LRP2BP: variants seen among roughly 807,000 people sequenced by gnomAD.
LRP2BP encodes LRP2-binding protein.
In LRP2BP, 38 loss-of-function variants were observed where a neutral mutation model predicts 45.2. The observed-to-expected ratio is 0.84, with a 90% confidence interval of 0.65 to 1.10. The LOEUF (loss-of-function observed/expected upper bound fraction) is 1.10. LRP2BP is among the 50% of genes least tolerant of loss of function. The probability of loss-of-function intolerance (pLI) is 0.00; values close to 1 mark genes in which losing one functional copy is unlikely to be tolerated. For synonymous variants in LRP2BP, 153 were observed against 153.9 expected (o/e 0.99, Z 0.04); for missense variants, 385 against 418.9 (o/e 0.92, Z 0.71).
In LRP2BP at chr4:185,374,384, A is replaced by G. The variant is rs1201799216; in HGVS notation, c.408T>C (p.Ala136=). 1 of 1,614,120 alleles carries G rather than the reference A, an allele frequency of 6.2e-7. No homozygotes were observed. The highest frequency in any genetic ancestry group is 8.5e-7 in the Non-Finnish European group (1 of 1,180,014). ...CATAATAAGCTCTTCCGAGGTTGTA[A>G]GCAGCTGCAAATTTTAAGTGTCTTG... ...PKARHLKFAA[A]YNLGRAYYEG... Residue 136 remains alanine (A), a synonymous_variant, in exon 5 of 9, where the codon GCT becomes GCC. Transcript: ENST00000505916.
intron 3 of LRP2BP, 85 bp downstream of exon 3, chr4:185,376,824 A>G (rs961359403): frequency 1.5e-5 from 13 of 888,560 alleles, no homozygotes; most frequent in Middle Eastern, 3.1e-4. Flanking sequence ...AGTATAACAC[A>G]GTAAGAAACT....
At chr4:185,374,791 A>T (rs1011118441) in intron 4 of LRP2BP, among the ~76,000 whole-genome samples, 7 of 152,158 alleles carry the variant, frequency 4.6e-5, no homozygotes, top group Admixed American at 3.9e-4. Context: ...CTTATCCTGA[A>T]TCAGCACAGT....
In LRP2BP at chr4:185,365,832, G is replaced by A. The variant is rs1029232749; in HGVS notation, c.*1348C>T. The A allele has an allele frequency of 1.3e-5, 2 of 152,072 alleles. No individual in the cohort carries two copies. The highest frequency in any genetic ancestry group is 2.9e-5 in the Non-Finnish European group (2 of 68,008). 9.4% of individuals were successfully genotyped at this position (152,072 alleles called of 1,614,324 possible). Reference sequence around the variant, plus strand: ...TAAGAGATTTGAGACAGAAATACATGACCATTTGAGGATATCTCAAACCCG... The same window carrying A: ...TAAGAGATTTGAGACAGAAATACATAACCATTTGAGGATATCTCAAACCCG... On this transcript the variant is annotated 3_prime_UTR_variant, in exon 9 of 9. Coordinates refer to ENST00000505916, the MANE Select transcript of LRP2BP (RefSeq NM_001377440.1).
intron 1 of LRP2BP, among the ~76,000 whole-genome samples, chr4:185,380,419 A>C (rs1183713825): frequency 6.6e-6 from 1 of 152,124 alleles, no homozygotes; most frequent in Admixed American, 6.5e-5. Flanking sequence ...CTAGGGAAAA[A>C]TCATCCTAAG....
intron 6 of LRP2BP, among the ~76,000 whole-genome samples, chr4:185,373,790 T>C (rs1412475194): frequency 6.6e-6 from 1 of 152,240 alleles, no homozygotes; most frequent in Non-Finnish European, 1.5e-5. Context: ...AACTAATTCT[T>C]GGTATATTTT....
Position 185,376,964 on chromosome 4 carries a change from A to C in LRP2BP, c.161T>G (p.Ile54Arg). The change falls in exon 3 of 9, where the codon ATA becomes AGA. Residue 54 changes from isoleucine to arginine, a missense_variant. Ile to Arg is a moderately conservative substitution (Grantham distance 97, BLOSUM62 -3). Coordinates refer to ENST00000505916, the MANE Select transcript of LRP2BP (RefSeq NM_001377440.1). The stretch of plus-strand genomic sequence containing the variant: ...ATATGCCAGAGTGTCTCCTTTCAGT[A>C]TTCTTTCCTTCAAGAGCTGCAATGC... ...DKALQLLKER[I>R]LKGDTLAYFL... 1 of 1,614,078 alleles carries C rather than the reference A, an allele frequency of 6.2e-7. No homozygotes were observed. The highest frequency in any genetic ancestry group is 8.5e-7 in the Non-Finnish European group (1 of 1,179,938).
chr4:185,372,830 A>C, intron 7 of LRP2BP, 26 bp downstream of exon 7: 1 of 1,511,632 alleles, frequency 6.6e-7, no homozygotes, highest in East Asian at 2.3e-5. Flanking sequence ...CTGTTACAGC[A>C]GCACAGAACA....
At chr4:185,382,557 T>G (rs1287406269) in intron 1 of LRP2BP, among the ~76,000 whole-genome samples, 1 of 152,252 alleles carries the variant, frequency 6.6e-6, no homozygotes, top group African/African-American at 2.4e-5. Flanking sequence ...CTAGTGGATG[T>G]GAAGCGCTAT....
At chr4:185,369,504 G>A (rs1013350987) in intron 8 of LRP2BP, among the ~76,000 whole-genome samples, 3 of 151,222 alleles carry the variant, frequency 2.0e-5, no homozygotes, top group African/African-American at 7.3e-5. Flanking sequence ...TCAGCCTCCC[G>A]AAGTGCTGGG....
Position 185,378,874 on chromosome 4 carries a change from T to A in LRP2BP, c.-21-667A>T, listed in dbSNP as rs77677684. 3.1e-3 allele frequency: 3,081 copies of A among 985,418 alleles called. 82 individuals are homozygous for A. The African/African-American group carries it at 0.051, about 16-fold the overall frequency. The allele number at this position is 985,418 out of a possible 1,614,324, so 61.0% of individuals were successfully genotyped here. A position where few individuals can be genotyped will look rare whatever the true frequency, so the allele number is the denominator to read the frequency against. ...TATTTACTCCTTGGCATTCCACTGT[T>A]ATGGCTTACTTTCACCAATCAGAAA... On this transcript the variant is annotated intron_variant, in intron 1 of 8. Transcript: ENST00000505916.
upstream of LRP2BP, chr4:185,396,729 C>T (rs1363885229): frequency 2.8e-5 from 17 of 615,350 alleles, no homozygotes; most frequent in Non-Finnish European, 4.0e-5. Context: ...GGACAGGGTC[C>T]GGGTCGTTGA....
chr4:185,396,776 C>T, upstream of LRP2BP: 1 of 823,940 alleles, frequency 1.2e-6, no homozygotes. Context: ...AGCTGGGGCG[C>T]GGCTGCCAAG....
At chr4:185,384,951 A>C (rs1195454329) in intron 1 of LRP2BP, among the ~76,000 whole-genome samples, 1 of 148,902 alleles carries the variant, frequency 6.7e-6, no homozygotes, top group African/African-American at 2.5e-5. Context: ...TGTTTAAAAC[A>C]AAAGTGCTTT....
At chr4:185,378,020 A>G in intron 2 of LRP2BP, 61 bp downstream of exon 2, 1 of 1,294,764 alleles carries the variant, frequency 7.7e-7, no homozygotes, top group Non-Finnish European at 1.1e-6. Context: ...CGTTTGCTCT[A>G]GCATGCAAAA....
chr4:185,383,907 G>A (rs75308181), intron 1 of LRP2BP, among the ~76,000 whole-genome samples: 3,267 of 152,314 alleles, frequency 0.021, 53 homozygotes, highest in South Asian at 0.065. Flanking sequence ...GAGAACATAA[G>A]CCTGGGCGTG....
At chr4:185,396,613 A>G (rs1314841265), upstream of LRP2BP, 4 of 423,062 alleles carry the variant, frequency 9.5e-6, no homozygotes, top group South Asian at 8.6e-5. Flanking sequence ...TGACGCATCC[A>G]CAGCTGGCCA....
chr4:185,397,018 G>T, upstream of LRP2BP: 1 of 1,610,520 alleles, frequency 6.2e-7, no homozygotes. Context: ...TCGTCTTCTC[G>T]TTAATGCGGG....
At chr4:185,376,842 A>T (rs2095439746) in intron 3 of LRP2BP, 67 bp downstream of exon 3, 1 of 1,118,818 alleles carries the variant, frequency 8.9e-7, no homozygotes, top group Non-Finnish European at 1.3e-6. Flanking sequence ...ACTCTACATG[A>T]AATTTTTGTC....
Position 185,370,829 on chromosome 4 carries a change from A to G in LRP2BP, c.804-15T>C, listed in dbSNP as rs1416902149. 6.2e-7 allele frequency: 1 copy of G among 1,613,354 alleles called. No homozygotes were observed. Among genetic ancestry groups the G allele is most frequent in the Non-Finnish European group, 8.5e-7 (1 of 1,179,498 alleles). The stretch of plus-strand genomic sequence containing the variant: ...AGTCAGCGATCCTGAGAGGATGTAG[A>G]GTTGTGAAATGGAAAAGACATCAGT... On this transcript the variant is annotated splice_polypyrimidine_tract_variant and intron_variant, in intron 7 of 8. Coordinates refer to ENST00000505916, the MANE Select transcript of LRP2BP (RefSeq NM_001377440.1).
Sources: gnomAD v4.1 joint callset for allele counts (sites outside exome capture counted in the v4.1 genomes callset) on GRCh38, gnomAD v4.1.1 for gene constraint, MANE v1.5 for transcripts, NCBI Gene and HGNC (gene_info 2026-07-23, HGNC 2026-07-21) for gene names.